ZNF207: variants seen among roughly 807,000 people sequenced by gnomAD.
ZNF207 encodes the protein BUB3-interacting and GLEBS motif-containing protein ZNF207.
In ZNF207, 24 loss-of-function variants were observed where a neutral mutation model predicts 60.2. That is an observed-to-expected ratio of 0.40 (90% CI 0.29 to 0.56). The LOEUF (loss-of-function observed/expected upper bound fraction) is 0.56, where lower values mean the gene tolerates loss of function less well. Ranked by LOEUF, ZNF207 falls within the 20% of genes least tolerant of loss-of-function variation. The pLI is 0.49. For missense variants in ZNF207, 452 were observed against 636.6 expected, an observed-to-expected ratio of 0.71 and a Z score of 3.12; for synonymous variants, 236 against 194.7, an observed-to-expected ratio of 1.21 and a Z score of -1.77.
At chr17:32,365,743 T>G (rs892143396) in intron 8 of ZNF207, among the ~76,000 whole-genome samples, 8 of 151,154 alleles carry the variant, frequency 5.3e-5, no homozygotes, top group Admixed American at 4.0e-4. Context: ...TCTTAGTTTT[T>G]TTTTTTTTTT....
At chr17:32,362,017 TTG>T (rs1241207917) in intron 6 of ZNF207, among the ~76,000 whole-genome samples, 1 of 152,064 alleles carries the variant, frequency 6.6e-6, no homozygotes, top group Non-Finnish European at 1.5e-5. Context: ...AATAAGTGGG[TTG>T]TGTTTTTAAG....
rs1486815669 is a variant in ZNF207 at position 32,377,278 on chromosome 17, T to C, written c.*7519T>C. On this transcript the variant is annotated 3_prime_UTR_variant, in exon 12 of 12. Coordinates refer to ENST00000394670, the MANE Select transcript of ZNF207 (RefSeq NM_001098507.2). ...TTATTAAAATTTTATTCATAAATAG[T>C]TTAGCAGTCACAGAGGTGAAAAAAA... is the stretch of plus-strand genomic sequence containing the variant. The C allele has an allele frequency of 6.6e-6, 1 of 151,928 alleles. No homozygotes were observed. The highest frequency in any genetic ancestry group is 1.5e-5 in the Non-Finnish European group (1 of 67,868). 9.4% of individuals were successfully genotyped at this position (151,928 alleles called of 1,614,324 possible). A position where few individuals can be genotyped will look rare whatever the true frequency, so the allele number is the denominator to read the frequency against.
rs1375730078 is a variant in ZNF207, at chr17:32,372,018, A to AGGCC, written c.*2262_*2265dup. ...GTCTTTAAGATAAAAATGGTGTGAT[A>AGGCC]GGCCGGGCGCAGTGGCTCACGCCTG... On this transcript the variant is annotated 3_prime_UTR_variant, in exon 12 of 12. Coordinates refer to ENST00000394670, the MANE Select transcript of ZNF207 (RefSeq NM_001098507.2). The AGGCC allele has an allele frequency of 2.0e-5, 3 of 151,556 alleles. No homozygotes were observed. The highest frequency in any genetic ancestry group is 7.3e-5 in the African/African-American group (3 of 41,254). 9.4% of individuals were successfully genotyped at this position (151,556 alleles called of 1,614,324 possible). A position where few individuals can be genotyped will look rare whatever the true frequency, so the allele number is the denominator to read the frequency against.
intron 9 of ZNF207, 125 bp from the exon 10 acceptor site, chr17:32,367,647 T>C: frequency 7.9e-7 from 1 of 1,264,934 alleles, no homozygotes; most frequent in Non-Finnish European, 1.1e-6. Context: ...ACATTAACTT[T>C]GTATTAATTT....
chr17:32,360,554 TTC>T, intron 3 of ZNF207, 42 bp from the exon 4 acceptor site: 1 of 1,526,106 alleles, frequency 6.6e-7, no homozygotes, highest in Non-Finnish European at 8.8e-7. Flanking sequence ...TAAATAAACT[TTC>T]TTAGTTTTTA....
rs923341556 is a variant in ZNF207 at position 32,357,320 on chromosome 17, T to A, written c.169-1183T>A. On this transcript the variant is annotated intron_variant, in intron 2 of 11. Transcript: ENST00000394670. Reference sequence around the variant, plus strand: ...GAAAATTTGCTATTCTAATTATTATTATTATTATTATTATTATTATTATTA... The same window carrying A: ...GAAAATTTGCTATTCTAATTATTATAATTATTATTATTATTATTATTATTA... Among the ~76,000 whole-genome samples, 358 of 60,558 alleles carry A rather than the reference T, an allele frequency of 5.9e-3. 5 individuals carry two copies. Among genetic ancestry groups the A allele is most frequent in the African/African-American group, 0.035 (343 of 9,876 alleles). 39.7% of individuals were successfully genotyped at this position (60,558 alleles called of 152,430 possible).
At chr17:32,361,008 G>GT in intron 5 of ZNF207, 41 bp downstream of exon 5, 2 of 1,590,626 alleles carry the variant, frequency 1.3e-6, no homozygotes. Flanking sequence ...CTTGTGCCTA[G>GT]TAATGATCTT....
In ZNF207 at chr17:32,367,265, A is replaced by ATG. The variant is rs1567824946; in HGVS notation, c.922-506_922-505insGT. ...TATATATATATATATATATATATAT[A>ATG]TATATATATATATATATATAAAGAA... On this transcript the variant is annotated intron_variant, in intron 9 of 11. Coordinates refer to ENST00000394670, the MANE Select transcript of ZNF207 (RefSeq NM_001098507.2). Among the ~76,000 whole-genome samples, 169 of 123,324 alleles carry ATG rather than the reference A, an allele frequency of 1.4e-3. 4 individuals are homozygous for ATG. The highest frequency in any genetic ancestry group is 4.1e-3 in the Middle Eastern group (1 of 246). The allele number at this position is 123,324 out of a possible 152,430, so 80.9% of individuals were successfully genotyped here. A position where few individuals can be genotyped will look rare whatever the true frequency, so the allele number is the denominator to read the frequency against.
intron 5 of ZNF207, 118 bp downstream of exon 5, chr17:32,361,085 C>G: frequency 2.0e-6 from 2 of 1,004,660 alleles, no homozygotes; most frequent in Admixed American, 2.5e-5. Context: ...GGTATGGGCT[C>G]TATATATCTT....
At position 32,369,814 on chromosome 17, in the gene ZNF207, C is replaced by T. The variant is rs1905384858; in HGVS notation, c.*55C>T. 1 of 1,374,146 alleles carries T rather than the reference C, an allele frequency of 7.3e-7. No homozygotes were observed. Among genetic ancestry groups the T allele is most frequent in the Non-Finnish European group, 9.5e-7 (1 of 1,055,566 alleles). The allele number at this position is 1,374,146 out of a possible 1,614,324, so 85.1% of individuals were successfully genotyped here. On this transcript the variant is annotated 3_prime_UTR_variant, in exon 12 of 12. Coordinates refer to ENST00000394670, the MANE Select transcript of ZNF207 (RefSeq NM_001098507.2). Reference sequence around the variant, plus strand: ...AGATTAAACCTTTTCTCAACTTGTGCTGTTTATATAGCCAAGCTTCCGTCA... The same window carrying T: ...AGATTAAACCTTTTCTCAACTTGTGTTGTTTATATAGCCAAGCTTCCGTCA...
intron 3 of ZNF207, 77 bp downstream of exon 3, chr17:32,358,718 G>T: frequency 3.5e-6 from 4 of 1,151,402 alleles, no homozygotes; most frequent in Non-Finnish European, 4.5e-6. Flanking sequence ...GGCTTACTCT[G>T]TCCAGCCGAG....
rs1905176442 is a variant in ZNF207, at chr17:32,366,642, GTTTCC to G, written c.829-18_829-14del. 6 of 1,578,440 alleles carry G rather than the reference GTTTCC, an allele frequency of 3.8e-6. No homozygotes were observed. Among genetic ancestry groups the G allele is most frequent in the Non-Finnish European group, 5.1e-6 (6 of 1,167,296 alleles). Reference sequence around the variant, plus strand: ...CCCATTTGTTTGGAGACTTTTCATTGTTTCCTTTCTTTTATGCTACAGATGGGGAC... The same window carrying G: ...CCCATTTGTTTGGAGACTTTTCATTGTTTCTTTTATGCTACAGATGGGGAC... On this transcript the variant is annotated intron_variant, in intron 8 of 11. Coordinates refer to ENST00000394670, the MANE Select transcript of ZNF207 (RefSeq NM_001098507.2).
In ZNF207 at chr17:32,369,685, C is replaced by A; in HGVS notation, c.1411C>A (p.Pro471Thr). 2 of 1,598,608 alleles carry A rather than the reference C, an allele frequency of 1.3e-6. No homozygotes were observed. The highest frequency in any genetic ancestry group is 1.7e-6 in the Non-Finnish European group (2 of 1,173,266). Residue 471 changes from proline to threonine, a missense_variant, in exon 12 of 12, where the codon CCT becomes ACT. Physicochemically the swap from Pro to Thr is conservative, Grantham distance 38. This residue lies in a region of ZNF207 where 390 missense variants were observed against 461.4 expected (regional missense o/e 0.85). Coordinates refer to ENST00000394670, the MANE Select transcript of ZNF207 (RefSeq NM_001098507.2). ...PYGQGPPMVP[P>T]YQGGPPRPPM... ...TGGGCAGGGACCGCCAATGGTGCCCCCTTACCAGGGTGGGCCTCCTCGACC... is the reference window on the plus strand; with the variant it reads ...TGGGCAGGGACCGCCAATGGTGCCCACTTACCAGGGTGGGCCTCCTCGACC...
rs936408613 is a variant in ZNF207, at chr17:32,380,574, A to G, written c.*10815A>G. ...TTCAGCTCCAGTTAAAACTGACAAT[A>G]GGCAGCTATCAAAAATGGAAAAAAT... is the stretch of plus-strand genomic sequence containing the variant. On this transcript the variant is annotated 3_prime_UTR_variant, in exon 12 of 12. Coordinates refer to ENST00000394670, the MANE Select transcript of ZNF207 (RefSeq NM_001098507.2). The G allele has an allele frequency of 6.6e-6, 1 of 152,254 alleles. No homozygotes were observed. Among genetic ancestry groups the G allele is most frequent in the Non-Finnish European group, 1.5e-5 (1 of 68,040 alleles). The allele number at this position is 152,254 out of a possible 1,614,324, so 9.4% of individuals were successfully genotyped here.
chr17:32,370,335 A>G lies in ZNF207; in HGVS notation c.*576A>G, dbSNP rs989411752. On this transcript the variant is annotated 3_prime_UTR_variant, in exon 12 of 12. Coordinates refer to ENST00000394670, the MANE Select transcript of ZNF207 (RefSeq NM_001098507.2). ...TTAAACTTCATTGTAATAAAATGAG[A>G]GAAAAATTTATGCCTTTTTATTCAT... is the stretch of plus-strand genomic sequence containing the variant. 1 of 152,694 alleles carries G rather than the reference A, an allele frequency of 6.5e-6. No homozygotes were observed. Among genetic ancestry groups the G allele is most frequent in the African/African-American group, 2.4e-5 (1 of 41,468 alleles). The allele number at this position is 152,694 out of a possible 1,614,324, so 9.5% of individuals were successfully genotyped here. A position where few individuals can be genotyped will look rare whatever the true frequency, so the allele number is the denominator to read the frequency against.
At chr17:32,365,765 T>C (rs1905134701) in intron 8 of ZNF207, among the ~76,000 whole-genome samples, 1 of 149,052 alleles carries the variant, frequency 6.7e-6, no homozygotes, top group Non-Finnish European at 1.5e-5. Flanking sequence ...TTTAAGCTAA[T>C]GAAAGTTTAG....
intron 2 of ZNF207, among the ~76,000 whole-genome samples, chr17:32,357,695 C>T (rs1904630416): frequency 6.6e-6 from 1 of 151,862 alleles, no homozygotes; most frequent in South Asian, 2.1e-4. Context: ...AGTATCTGCC[C>T]AGGCTGGAGT....
rs1226016021 is a variant in ZNF207, at chr17:32,369,722, T to C, written c.1448T>C (p.Met483Thr). 4 of 1,579,988 alleles carry C rather than the reference T, an allele frequency of 2.5e-6. No homozygotes were observed. The highest frequency in any genetic ancestry group is 3.4e-6 in the Non-Finnish European group (4 of 1,164,926). The stretch of plus-strand genomic sequence containing the variant: ...GGGCCTCCTCGACCTCCGATGGGAA[T>C]GAGACCTCCTGTAATGTCGCAAGGT... Reference protein sequence around the residue: ...QGGPPRPPMGMRPPVMSQGGR... With the variant: ...QGGPPRPPMGTRPPVMSQGGR... The change falls in exon 12 of 12, where the codon ATG (methionine) becomes ACG (threonine). Residue 483 changes from methionine (M) to threonine (T), a missense_variant. Transcript: ENST00000394670.
chr17:32,356,405 C>T (rs956985576), intron 2 of ZNF207, among the ~76,000 whole-genome samples: 1 of 152,170 alleles, frequency 6.6e-6, no homozygotes, highest in African/African-American at 2.4e-5. Context: ...GCAATTAAGT[C>T]ACTTGTTAAG....
Sources: gnomAD v4.1 joint callset for allele counts (sites outside exome capture counted in the v4.1 genomes callset) on GRCh38, gnomAD v4.1.1 for gene constraint, gnomAD v4.1.1 regional missense constraint, MANE v1.5 for transcripts, NCBI Gene and HGNC (gene_info 2026-07-23, HGNC 2026-07-21) for gene names.